Variants in SEC61A2 observed in about 807,000 individuals in gnomAD.
SEC61A2 encodes the protein SEC61 translocon subunit alpha 2.
Under a neutral mutation model 59.9 loss-of-function variants are expected in SEC61A2, and 28 were observed. The observed-to-expected ratio is 0.47, with a 90% CI of 0.35 to 0.64. The LOEUF is 0.64. Among genes scored for constraint, SEC61A2 ranks in the 30% least tolerant of loss-of-function variants. The pLI is 0.01. For missense variants in SEC61A2, 340 were observed against 585.9 expected (o/e 0.58, Z 4.33); for synonymous variants, 202 against 214.4 (o/e 0.94, Z 0.50).
At chr10:12,165,633 G>A (rs1163387007), downstream of SEC61A2, 1 of 152,376 alleles carries the variant, frequency 6.6e-6, no homozygotes, top group African/African-American at 2.4e-5. Context: ...ATTTGAAAGA[G>A]CATAGATCTT....
intron 9 of SEC61A2, among the ~76,000 whole-genome samples, chr10:12,159,799 G>A (rs1657759068): frequency 6.6e-6 from 1 of 151,834 alleles, no homozygotes; most frequent in Admixed American, 6.6e-5. Context: ...AGTTATTCTT[G>A]AAATATGGTG....
chr10:12,167,583 T>C, downstream of SEC61A2: 1 of 939,272 alleles, frequency 1.1e-6, no homozygotes, highest in Non-Finnish European at 1.6e-6. Context: ...ATCTGTTCTG[T>C]GCTTTTATTT....
In SEC61A2 at chr10:12,156,073, G is replaced by A. The variant is rs1028731189; in HGVS notation, c.616+142G>A. 7.5e-6 allele frequency: 6 copies of A among 799,046 alleles called. No homozygotes were observed. The African/African-American group carries it at 1.0e-4, about 14-fold the overall frequency. The allele number at this position is 799,046 out of a possible 1,614,324, so 49.5% of individuals were successfully genotyped here. A position where few individuals can be genotyped will look rare whatever the true frequency, so the allele number is the denominator to read the frequency against. On this transcript the variant is annotated intron_variant, in intron 7 of 11. Coordinates refer to ENST00000298428, the MANE Select transcript of SEC61A2 (RefSeq NM_018144.4). This position sits in a 1 kb window ranked among gnomAD's most constrained non-coding sequence, Gnocchi z 5.2. ...GAATGCGAATTCTTCAAAACTTAAT[G>A]AGCAGAGATTTGTGGAGTAAGCAAT...
chr10:12,148,897 C>A (rs11257566), intron 4 of SEC61A2, among the ~76,000 whole-genome samples: 64,163 of 151,924 alleles, frequency 0.42, 13,566 homozygotes, highest in East Asian at 0.53. Context: ...TCTGAGACGA[C>A]ATCAAAAATC....
In SEC61A2 at chr10:12,160,984, T is replaced by C. The variant is rs775602228; in HGVS notation, c.1030T>C (p.Tyr344His). 6.2e-7 allele frequency: 1 copy of C among 1,614,156 alleles called. No homozygotes were observed. The highest frequency in any genetic ancestry group is 8.5e-7 in the Non-Finnish European group (1 of 1,180,004). Residue 344 changes from tyrosine (Y) to histidine (H), a missense_variant, in exon 10 of 12, where the codon TAT becomes CAT. Tyr to His is a moderately conservative substitution (Grantham distance 83). Transcript: ENST00000298428. This position sits in a 1 kb window ranked among gnomAD's most constrained non-coding sequence, Gnocchi z 4.1. ...RSYPVGGLCY[Y>H]LSPPESMGAI... ...TTACCCAGTTGGAGGCCTTTGTTAC[T>C]ATCTTTCTCCTCCTGAGTCCATGGG...
In SEC61A2 at chr10:12,153,880, A is replaced by G; in HGVS notation, c.463-1898A>G. ...CACCTTATTTGTTTATGTTTCATTC[A>G]CGTGGTTAGTGTTTTTCAGCTAGTG... On this transcript the variant is annotated intron_variant, in intron 6 of 11. Transcript: ENST00000298428. The surrounding 1 kb of genome is among the most constrained non-coding windows in gnomAD (Gnocchi z 5.2). 7.0e-7 allele frequency: 1 copy of G among 1,425,054 alleles called. No homozygotes were observed. The highest frequency in any genetic ancestry group is 9.4e-7 in the Non-Finnish European group (1 of 1,060,968). 88.3% of individuals were successfully genotyped at this position (1,425,054 alleles called of 1,614,324 possible).
chr10:12,160,884 T>C lies in SEC61A2; in HGVS notation c.976-46T>C, dbSNP rs1298019493. On this transcript the variant is annotated intron_variant, in intron 9 of 11. Transcript: ENST00000298428. The surrounding 1 kb of genome is among the most constrained non-coding windows in gnomAD (Gnocchi z 4.1). Reference sequence around the variant, plus strand: ...TTGAAGTGACATGCAAATGTATTCCTGACTAATTAGGTTGACCACTTGTTC... The same window carrying C: ...TTGAAGTGACATGCAAATGTATTCCCGACTAATTAGGTTGACCACTTGTTC... 6.6e-7 allele frequency: 1 copy of C among 1,507,086 alleles called. No homozygotes were observed. Among genetic ancestry groups the C allele is most frequent in the Non-Finnish European group, 9.0e-7 (1 of 1,108,922 alleles). 93.4% of individuals were successfully genotyped at this position (1,507,086 alleles called of 1,614,324 possible).
At position 12,129,986 on chromosome 10, in the gene SEC61A2, G is replaced by A. The variant is rs976836611; in HGVS notation, c.7+192G>A. On this transcript the variant is annotated intron_variant, in intron 1 of 11. Transcript: ENST00000298428. This position sits in a 1 kb window ranked among gnomAD's most constrained non-coding sequence, Gnocchi z 5.6. The stretch of plus-strand genomic sequence containing the variant: ...TAGCCGTGCGAGGCCTTGCCCGGCG[G>A]GTACCGGGACCCGGAGGCCCGGGGT... Among the ~76,000 whole-genome samples the A allele has an allele frequency of 2.0e-5, 3 of 152,170 alleles. No homozygotes were observed. Among genetic ancestry groups the A allele is most frequent in the Admixed American group, 6.5e-5 (1 of 15,282 alleles).
Position 12,153,183 on chromosome 10 carries a change from T to G in SEC61A2, c.463-2595T>G, listed in dbSNP as rs1834319868. On this transcript the variant is annotated intron_variant, in intron 6 of 11. Coordinates refer to ENST00000298428, the MANE Select transcript of SEC61A2 (RefSeq NM_018144.4). The surrounding 1 kb of genome is among the most constrained non-coding windows in gnomAD (Gnocchi z 5.2). Reference sequence around the variant, plus strand: ...GCGCATTGGATGGGGAGAGATGATATTCTGGAGTCTGATTTTAGTATCTTT... The same window carrying G: ...GCGCATTGGATGGGGAGAGATGATAGTCTGGAGTCTGATTTTAGTATCTTT... 6.6e-6 allele frequency among the ~76,000 whole-genome samples: 1 copy of G among 152,040 alleles called. No individual in the cohort carries two copies. The highest frequency in any genetic ancestry group is 2.1e-4 in the South Asian group (1 of 4,830).
At chr10:12,151,079 G>A (rs1444560830) in intron 6 of SEC61A2, among the ~76,000 whole-genome samples, 2 of 150,278 alleles carry the variant, frequency 1.3e-5, no homozygotes, top group Admixed American at 6.6e-5. Context: ...CCGGCCCTAA[G>A]TATCTTAAAA....
intron 4 of SEC61A2, among the ~76,000 whole-genome samples, chr10:12,147,064 A>C (rs995972932): frequency 2.6e-5 from 4 of 151,878 alleles, no homozygotes; most frequent in Admixed American, 2.0e-4. Context: ...CTAGTATTTT[A>C]ATTTTTTGTA....
At chr10:12,131,683 T>TTTTC (rs1833741615) in intron 1 of SEC61A2, among the ~76,000 whole-genome samples, 1 of 23,710 alleles carries the variant, frequency 4.2e-5, no homozygotes, top group East Asian at 1.4e-3. Flanking sequence ...ATTACATACC[T>TTTTC]TTTTTTTTTT....
Position 12,162,098 on chromosome 10 carries a change from T to G in SEC61A2, c.1168-115T>G. The G allele has an allele frequency of 1.3e-6, 1 of 799,260 alleles. No individual in the cohort carries two copies. The highest frequency in any genetic ancestry group is 2.2e-6 in the Non-Finnish European group (1 of 464,262). 49.5% of individuals were successfully genotyped at this position (799,260 alleles called of 1,614,324 possible). ...ATGCGAATGATATGACAATGCAACT[T>G]TCAGGTTATTGTATGTTACGTGTTA... On this transcript the variant is annotated intron_variant, in intron 10 of 11. Coordinates refer to ENST00000298428, the MANE Select transcript of SEC61A2 (RefSeq NM_018144.4). This position sits in a 1 kb window ranked among gnomAD's most constrained non-coding sequence, Gnocchi z 6.1.
In SEC61A2 at chr10:12,164,430, T is replaced by C. The variant is rs552628375; in HGVS notation, c.1407T>C (p.Gly469=). ...TTGTTAAAGAACAGGCCGAAGTTGG[T>C]GGGATGGGTGCTTTGTTTTTCTAAA... ...EIFVKEQAEV[G]GMGALFF is the part of the protein sequence containing the mutation. The change falls in exon 12 of 12, where the codon GGT becomes GGC. Residue 469 remains glycine, a synonymous_variant. Transcript: ENST00000298428. The surrounding 1 kb of genome is among the most constrained non-coding windows in gnomAD (Gnocchi z 7.3). 15 of 1,613,078 alleles carry C rather than the reference T, an allele frequency of 9.3e-6. No homozygotes were observed. The African/African-American group carries it at 1.2e-4, about 13-fold the overall frequency.
rs183206143 is a variant in SEC61A2, at chr10:12,154,879, T to C, written c.463-899T>C. Among the ~76,000 whole-genome samples, 282 of 152,278 alleles carry C rather than the reference T, an allele frequency of 1.9e-3. No individual in the cohort carries two copies. The highest frequency in any genetic ancestry group is 3.1e-3 in the Non-Finnish European group (213 of 68,022). ...GGAGGAATGGAAGTGACTTCCTCACTTCTGCCGGAGGGTGTCTTTAAAGTG... is the reference window on the plus strand; with the variant it reads ...GGAGGAATGGAAGTGACTTCCTCACCTCTGCCGGAGGGTGTCTTTAAAGTG... On this transcript the variant is annotated intron_variant, in intron 6 of 11. Transcript: ENST00000298428. This position sits in a 1 kb window ranked among gnomAD's most constrained non-coding sequence, Gnocchi z 5.2.
chr10:12,136,414 T>A (rs1833886140), intron 3 of SEC61A2, among the ~76,000 whole-genome samples: 2 of 152,138 alleles, frequency 1.3e-5, no homozygotes, highest in Non-Finnish European at 2.9e-5. Flanking sequence ...TTCAAGTGAT[T>A]CTTCTTCCTT....
rs955533307 is a variant in SEC61A2, at chr10:12,154,602, A to G, written c.463-1176A>G. Among the ~76,000 whole-genome samples the G allele has an allele frequency of 6.6e-6, 1 of 152,194 alleles. No individual in the cohort carries two copies. The highest frequency in any genetic ancestry group is 1.5e-5 in the Non-Finnish European group (1 of 68,040). On this transcript the variant is annotated intron_variant, in intron 6 of 11. Transcript: ENST00000298428. This position sits in a 1 kb window ranked among gnomAD's most constrained non-coding sequence, Gnocchi z 5.2. ...GTCGAACTTGGTTTTCAAGCAGTAA[A>G]GGATTAGCATGATCTCTCTTAGAAG...
intron 2 of SEC61A2, among the ~76,000 whole-genome samples, chr10:12,133,588 C>A (rs535712289): frequency 6.6e-6 from 1 of 152,304 alleles, no homozygotes; most frequent in South Asian, 2.1e-4. Flanking sequence ...GGTTATTCTC[C>A]TGTCTGTAGT....
chr10:12,130,846 C>T (rs190118114), intron 1 of SEC61A2: 8 of 152,514 alleles, frequency 5.2e-5, no homozygotes, highest in African/African-American at 1.9e-4. Context: ...TAACAAACAT[C>T]TGCCCATGAC....
Sources: allele counts gnomAD v4.1 joint callset (sites outside exome capture counted in the v4.1 genomes callset), GRCh38; gene constraint gnomAD v4.1.1; non-coding constraint Gnocchi (gnomAD v3.1); transcripts MANE v1.5; gene names NCBI Gene and HGNC (gene_info 2026-07-23, HGNC 2026-07-21).